Variants in PCED1B observed in about 807,000 individuals in gnomAD.
PCED1B encodes PC-esterase domain-containing protein 1B.
For synonymous variants in PCED1B, 251 were observed against 246.1 expected (o/e 1.02, Z -0.19); for missense variants, 573 against 573.9 (o/e 1.00, Z 0.02).
intron 3 of PCED1B, among the ~76,000 whole-genome samples, chr12:47,221,109 A>C (rs993939133): frequency 1.3e-5 from 2 of 152,218 alleles, no homozygotes; most frequent in Admixed American, 1.3e-4. Flanking sequence ...AAAACATATA[A>C]AATTAAAACT....
intron 2 of PCED1B, among the ~76,000 whole-genome samples, chr12:47,193,897 C>T (rs1373973204): frequency 6.6e-6 from 1 of 152,242 alleles, no homozygotes; most frequent in Non-Finnish European, 1.5e-5. Flanking sequence ...AAAGCCATTT[C>T]ATTGCTCAGT....
intron 2 of PCED1B, among the ~76,000 whole-genome samples, chr12:47,114,674 C>T (rs545576683): frequency 2.6e-5 from 4 of 152,312 alleles, no homozygotes; most frequent in Admixed American, 1.3e-4. Flanking sequence ...GCCCAGAAGC[C>T]TTGAGGTTGC....
At chr12:47,120,066 T>C (rs1247699684) in intron 2 of PCED1B, among the ~76,000 whole-genome samples, 1 of 151,996 alleles carries the variant, frequency 6.6e-6, no homozygotes, top group Non-Finnish European at 1.5e-5. Context: ...ACACAAATGG[T>C]CAATAAGTAC....
intron 2 of PCED1B, among the ~76,000 whole-genome samples, chr12:47,212,493 C>T (rs2137776301): frequency 6.6e-6 from 1 of 152,216 alleles, no homozygotes; most frequent in Middle Eastern, 3.4e-3. Flanking sequence ...GGTCTTTAGT[C>T]CAAGCTCAGT....
intron 1 of PCED1B, among the ~76,000 whole-genome samples, chr12:47,081,020 G>A (rs958497237): frequency 1.3e-4 from 20 of 152,322 alleles, no homozygotes; most frequent in Middle Eastern, 3.4e-3. Flanking sequence ...AGCCGAACAA[G>A]GCCATTCAGA....
intron 2 of PCED1B, among the ~76,000 whole-genome samples, chr12:47,194,615 T>G (rs1270757916): frequency 6.6e-6 from 1 of 152,202 alleles, no homozygotes; most frequent in Non-Finnish European, 1.5e-5. Context: ...CTTTCAACAG[T>G]GAAGCTTCTT....
At chr12:47,185,792 C>CA (rs58425348) in intron 2 of PCED1B, among the ~76,000 whole-genome samples, 476 of 136,096 alleles carry the variant, frequency 3.5e-3, no homozygotes, top group Non-Finnish European at 6.3e-3. Context: ...GACTCAGTCT[C>CA]AAAAAAAAAA....
At chr12:47,132,131 C>T (rs1940159134) in intron 2 of PCED1B, among the ~76,000 whole-genome samples, 1 of 152,182 alleles carries the variant, frequency 6.6e-6, no homozygotes, top group South Asian at 2.1e-4. Context: ...AAAACACTAA[C>T]TGGCTGCCAG....
intron 1 of PCED1B, among the ~76,000 whole-genome samples, chr12:47,089,869 G>A (rs1238089575): frequency 6.6e-6 from 1 of 152,012 alleles, no homozygotes; most frequent in Non-Finnish European, 1.5e-5. Context: ...TGCCTCCCGG[G>A]TTCAAGTGAT....
At chr12:47,127,968 T>C (rs1939963962) in intron 2 of PCED1B, among the ~76,000 whole-genome samples, 1 of 152,274 alleles carries the variant, frequency 6.6e-6, no homozygotes, top group Non-Finnish European at 1.5e-5. Flanking sequence ...TACCGCTTTA[T>C]GCTTCATTAC....
chr12:47,108,735 T>C (rs1226086236), intron 2 of PCED1B, among the ~76,000 whole-genome samples: 1 of 152,200 alleles, frequency 6.6e-6, no homozygotes, highest in Admixed American at 6.5e-5. Flanking sequence ...TTTTGTTTTC[T>C]TCTCTTCTTT....
chr12:47,198,971 AAAAAAAGAAAAAG>A (rs1316341520), intron 2 of PCED1B, among the ~76,000 whole-genome samples: 1 of 152,028 alleles, frequency 6.6e-6, no homozygotes, highest in Non-Finnish European at 1.5e-5. Flanking sequence ...CATCTCAAAA[AAAAAAAGAAAAAG>A]AAAAAAGAAA....
chr12:47,160,293 CTTTTTTTTT>C (rs59856338), intron 2 of PCED1B, among the ~76,000 whole-genome samples: 10 of 69,240 alleles, frequency 1.4e-4, no homozygotes, highest in African/African-American at 6.2e-4. Flanking sequence ...TTTTCTTTTT[CTTTTTTTTT>C]TTTTTTTTTT....
intron 2 of PCED1B, among the ~76,000 whole-genome samples, chr12:47,171,937 T>C (rs1238184148): frequency 2.0e-5 from 3 of 152,014 alleles, no homozygotes; most frequent in Non-Finnish European, 2.9e-5. Flanking sequence ...TATATGTATA[T>C]GTATGTGTCT....
intron 2 of PCED1B, among the ~76,000 whole-genome samples, chr12:47,182,342 C>T (rs1472399269): frequency 6.6e-6 from 1 of 152,090 alleles, no homozygotes; most frequent in Non-Finnish European, 1.5e-5. Context: ...GCCTGTAATC[C>T]CAGCACGTTG....
intron 1 of PCED1B, among the ~76,000 whole-genome samples, chr12:47,081,242 G>T (rs1458791589): frequency 6.6e-6 from 1 of 152,144 alleles, no homozygotes; most frequent in Non-Finnish European, 1.5e-5. Flanking sequence ...AGTTGGGGCA[G>T]GATAGATAAC....
intron 2 of PCED1B, among the ~76,000 whole-genome samples, chr12:47,202,916 A>G (rs949230913): frequency 3.3e-5 from 5 of 151,230 alleles, no homozygotes; most frequent in Non-Finnish European, 5.9e-5. Context: ...TTCATTTACC[A>G]CTATACTTTC....
At chr12:47,185,676 C>G (rs1942233604) in intron 2 of PCED1B, among the ~76,000 whole-genome samples, 1 of 151,710 alleles carries the variant, frequency 6.6e-6, no homozygotes, top group African/African-American at 2.4e-5. Context: ...GTAATCCCAA[C>G]TATGCAGGAG....
intron 2 of PCED1B, among the ~76,000 whole-genome samples, chr12:47,113,964 A>AT (rs201093015): frequency 6.5e-5 from 6 of 91,676 alleles, no homozygotes; most frequent in Admixed American, 4.7e-4. Flanking sequence ...AAGAAAAAAA[A>AT]AACACACACA....
Sources: allele counts gnomAD v4.1 joint callset (sites outside exome capture counted in the v4.1 genomes callset), GRCh38; gene constraint gnomAD v4.1.1; transcripts MANE v1.5; gene names NCBI Gene and HGNC (gene_info 2026-07-23, HGNC 2026-07-21).